The following TMPRSS11F variants were observed in gnomAD, a reference collection of about 807,000 sequenced individuals.
TMPRSS11F encodes the protein transmembrane serine protease 11F.
TMPRSS11F carries 47 observed loss-of-function variants against 60.2 expected under a neutral mutation model. The observed-to-expected ratio is 0.78, with a 90% CI of 0.62 to 1.00. TMPRSS11F has a LOEUF of 1.00. Ranked by LOEUF, TMPRSS11F falls within the 50% of genes least tolerant of loss-of-function variation. The pLI is 0.00. For synonymous variants in TMPRSS11F, 166 were observed against 167.3 expected (o/e 0.99, Z 0.06); for missense variants, 519 against 522.9 (o/e 0.99, Z 0.07).
At chr4:68,067,199 A>C (rs2109839302) in intron 7 of TMPRSS11F, among the ~76,000 whole-genome samples, 1 of 152,252 alleles carries the variant, frequency 6.6e-6, no homozygotes, top group Middle Eastern at 3.4e-3. Flanking sequence ...TCAACTGTCA[A>C]ATTTGGTCTG....
In TMPRSS11F at chr4:68,059,451, G is replaced by A. The variant is rs1723111522; in HGVS notation, c.1033C>T (p.Leu345Phe). The A allele has an allele frequency of 6.2e-7, 1 of 1,613,474 alleles. No homozygotes were observed. Among genetic ancestry groups the A allele is most frequent in the African/African-American group, 1.3e-5 (1 of 74,962 alleles). ...IVDDGPIQNT[L>F]RQARVETIST... ...ATGGTTTCCACTCTGGCTTGCCGAAGTGTATTTTGTATAGGTCCTATTGCA... is the reference window on the plus strand; with the variant it reads ...ATGGTTTCCACTCTGGCTTGCCGAAATGTATTTTGTATAGGTCCTATTGCA... The change falls in exon 9 of 10, where the codon CTT becomes TTT. Residue 345 changes from leucine to phenylalanine, a missense_variant. Transcript: ENST00000356291.
chr4:68,060,903 A>G (rs889296616), intron 8 of TMPRSS11F, among the ~76,000 whole-genome samples: 1 of 152,030 alleles, frequency 6.6e-6, no homozygotes, highest in Non-Finnish European at 1.5e-5. Flanking sequence ...TATTATGGTA[A>G]TAACAAGTTC....
chr4:68,105,678 A>G (rs1724290619), intron 1 of TMPRSS11F, among the ~76,000 whole-genome samples: 1 of 152,154 alleles, frequency 6.6e-6, no homozygotes, highest in Admixed American at 6.5e-5. Flanking sequence ...ATGACCTGAC[A>G]GTTTATAGTT....
chr4:68,103,728 G>A (rs1724240491), intron 1 of TMPRSS11F, among the ~76,000 whole-genome samples: 1 of 152,040 alleles, frequency 6.6e-6, no homozygotes, highest in South Asian at 2.1e-4. Flanking sequence ...GATTGTGTTA[G>A]ATCTATATAT....
chr4:68,070,905 A>C (rs1161433652), intron 5 of TMPRSS11F, among the ~76,000 whole-genome samples: 1 of 152,226 alleles, frequency 6.6e-6, no homozygotes, highest in East Asian at 1.9e-4. Context: ...GGCAGAAGAA[A>C]ACATACACAG....
intron 1 of TMPRSS11F, among the ~76,000 whole-genome samples, chr4:68,106,149 C>G (rs986752990): frequency 6.6e-6 from 1 of 151,948 alleles, no homozygotes; most frequent in Non-Finnish European, 1.5e-5. Context: ...GAACACAGTA[C>G]CTAAAGCCTT....
chr4:68,059,686 G>A (rs557378172), intron 8 of TMPRSS11F, among the ~76,000 whole-genome samples: 1 of 151,876 alleles, frequency 6.6e-6, no homozygotes, highest in South Asian at 2.1e-4. Flanking sequence ...AGGATATTAG[G>A]AGCCTTAAAA....
chr4:68,123,843 A>T (rs533437712), intron 1 of TMPRSS11F, among the ~76,000 whole-genome samples: 181 of 152,348 alleles, frequency 1.2e-3, no homozygotes, highest in Middle Eastern at 3.4e-3. Flanking sequence ...CAATCTATTC[A>T]AGTCTATACA....
Position 68,069,744 on chromosome 4 carries a change from T to G in TMPRSS11F, c.553+225A>C, listed in dbSNP as rs146341235. 2.0e-3 allele frequency among the ~76,000 whole-genome samples: 308 copies of G among 152,218 alleles called. 3 individuals are homozygous for G. Among genetic ancestry groups the G allele is most frequent in the Non-Finnish European group, 2.2e-3 (149 of 68,016 alleles). ...ATCTAGAATATTATGTAAGGTGTTT[T>G]TAACCACATCTCGTAGGTCATATAA... On this transcript the variant is annotated intron_variant, in intron 6 of 9. Coordinates refer to ENST00000356291, the MANE Select transcript of TMPRSS11F (RefSeq NM_207407.2).
intron 8 of TMPRSS11F, among the ~76,000 whole-genome samples, chr4:68,059,711 C>T (rs887861713): frequency 6.6e-6 from 1 of 152,140 alleles, no homozygotes; most frequent in Non-Finnish European, 1.5e-5. Flanking sequence ...ATGCAAAATA[C>T]TACATACGCA....
At chr4:68,125,151 G>T (rs974486552) in intron 1 of TMPRSS11F, among the ~76,000 whole-genome samples, 1 of 150,200 alleles carries the variant, frequency 6.7e-6, no homozygotes, top group Admixed American at 6.6e-5. Context: ...TTACAAACAG[G>T]GCAATTTCAT....
At chr4:68,108,791 T>A (rs1724351520) in intron 1 of TMPRSS11F, among the ~76,000 whole-genome samples, 1 of 152,212 alleles carries the variant, frequency 6.6e-6, no homozygotes, top group Admixed American at 6.5e-5. Flanking sequence ...GAGAAGTTAG[T>A]CTTTGATAAA....
chr4:68,062,931 T>C (rs1167741780), intron 8 of TMPRSS11F: 1 of 788,722 alleles, frequency 1.3e-6, no homozygotes. Context: ...TTTGTGGCAT[T>C]ATAAAGCAGG....
At chr4:68,075,214 CT>C (rs1161006210) in intron 3 of TMPRSS11F, among the ~76,000 whole-genome samples, 4 of 152,118 alleles carry the variant, frequency 2.6e-5, no homozygotes, top group African/African-American at 7.2e-5. Context: ...GTTAAATCCA[CT>C]TTCCTTGATT....
At chr4:68,080,557 TC>T (rs1413563915) in intron 3 of TMPRSS11F, 5 of 152,368 alleles carry the variant, frequency 3.3e-5, no homozygotes, top group African/African-American at 1.2e-4. Flanking sequence ...CCTGGGCAGA[TC>T]CACTGGTCTA....
At chr4:68,126,132 C>A (rs1724708742) in intron 1 of TMPRSS11F, among the ~76,000 whole-genome samples, 1 of 151,826 alleles carries the variant, frequency 6.6e-6, no homozygotes, top group African/African-American at 2.4e-5. Context: ...TTATAAACAC[C>A]ATAAAAGTAA....
At chr4:68,100,403 A>G (rs951017224) in intron 1 of TMPRSS11F, among the ~76,000 whole-genome samples, 1 of 152,186 alleles carries the variant, frequency 6.6e-6, no homozygotes, top group Non-Finnish European at 1.5e-5. Flanking sequence ...GCAAGAGTGC[A>G]GACAGGTAGA....
intron 3 of TMPRSS11F, among the ~76,000 whole-genome samples, chr4:68,090,173 C>T (rs1370832): frequency 0.73 from 110,416 of 151,812 alleles, 40,887 homozygotes; most frequent in East Asian, 0.88. Flanking sequence ...ATAAACAAAC[C>T]GGTAAGCTGA....
chr4:68,080,002 G>A (rs371504505), intron 3 of TMPRSS11F: 5 of 152,276 alleles, frequency 3.3e-5, no homozygotes, highest in African/African-American at 1.2e-4. Context: ...CCCTTTTGAG[G>A]TTCACCCATG....
Sources: allele counts gnomAD v4.1 joint callset (sites outside exome capture counted in the v4.1 genomes callset), GRCh38; gene constraint gnomAD v4.1.1; transcripts MANE v1.5; gene names NCBI Gene and HGNC (gene_info 2026-07-23, HGNC 2026-07-21).